The following GLYAT variants were observed in gnomAD, a reference collection of about 807,000 sequenced individuals.
The protein encoded by GLYAT is glycine-N-acyltransferase.
Under a neutral mutation model 22.8 loss-of-function variants are expected in GLYAT, and 25 were observed. That is an observed-to-expected ratio of 1.09 (90% CI 0.80 to 1.53). The LOEUF (loss-of-function observed/expected upper bound fraction) is 1.53, where lower values mean the gene tolerates loss of function less well. Ranked by LOEUF, GLYAT falls within the 40% of genes most tolerant of loss-of-function variation. The probability of loss-of-function intolerance (pLI) is 0.00; values close to 1 mark genes in which losing one functional copy is unlikely to be tolerated. For missense variants in GLYAT, 411 were observed against 353.9 expected, an observed-to-expected ratio of 1.16 and a Z score of -1.29; for synonymous variants, 140 against 122.7, an observed-to-expected ratio of 1.14 and a Z score of -0.93.
chr11:58,712,993 G>C (rs1856635684), intron 3 of GLYAT, 107 bp from the exon 4 acceptor site: 8 of 663,478 alleles, frequency 1.2e-5, no homozygotes, highest in African/African-American at 1.9e-5. Flanking sequence ...TAGTTTTATT[G>C]GTGTATCACA....
chr11:58,712,840 T>C lies in GLYAT; in HGVS notation c.236A>G (p.Tyr79Cys), dbSNP rs895538984. Reference sequence around the variant, plus strand: ...CTGACAGTTTTGGGGATCTTTGGAGTAGATTTGGTAAGTATTGGTATAGTG... The same window carrying C: ...CTGACAGTTTTGGGGATCTTTGGAGCAGATTTGGTAAGTATTGGTATAGTG... ...LDHYTNTYQI[Y>C]SKDPQNCQEF... Residue 79 changes from tyrosine (Y) to cysteine (C), a missense_variant, in exon 4 of 6, where the codon TAC becomes TGC. Physicochemically the swap from Tyr to Cys is radical, Grantham distance 194 (BLOSUM62 -2). Coordinates refer to ENST00000344743, the MANE Select transcript of GLYAT (RefSeq NM_201648.3). The C allele has an allele frequency of 2.5e-6, 4 of 1,607,324 alleles. No individual in the cohort carries two copies. In the African/African-American group the frequency reaches 4.0e-5, roughly 16 times the overall value.
intron 2 of GLYAT, among the ~76,000 whole-genome samples, chr11:58,723,230 T>C (rs112135052): frequency 1.9e-4 from 2 of 10,338 alleles, no homozygotes; most frequent in Non-Finnish European, 1.1e-3. Context: ...TACAGTGTCT[T>C]AACTAATATG....
At chr11:58,731,665 A>G (rs549602355) in intron 1 of GLYAT, among the ~76,000 whole-genome samples, 170 bp downstream of exon 1, 1 of 152,150 alleles carries the variant, frequency 6.6e-6, no homozygotes, top group African/African-American at 2.4e-5. Context: ...ATTACTTCAC[A>G]TAGTTACTTA....
At chr11:58,710,786 G>T (rs765187035) in intron 4 of GLYAT, 25 bp from the exon 5 acceptor site, 2 of 1,360,982 alleles carry the variant, frequency 1.5e-6, no homozygotes, top group African/African-American at 1.4e-5. Context: ...AAACAGAGAT[G>T]AAATGGTTTA....
intron 5 of GLYAT, 112 bp from the exon 6 acceptor site, chr11:58,710,280 TC>T: frequency 3.5e-6 from 5 of 1,446,244 alleles, no homozygotes; most frequent in Non-Finnish European, 4.5e-6. Flanking sequence ...AAATGTGAAG[TC>T]CTGGAATATA....
At chr11:58,731,474 T>G (rs1856871000) in intron 1 of GLYAT, among the ~76,000 whole-genome samples, 1 of 152,178 alleles carries the variant, frequency 6.6e-6, no homozygotes, top group African/African-American at 2.4e-5. Context: ...TGTCTGCATA[T>G]TCTGAGCATA....
chr11:58,728,877 AGAAAGAAAGAAAGAAGGAAG>A (rs1230768736), intron 1 of GLYAT: 8 of 119,854 alleles, frequency 6.7e-5, no homozygotes, highest in South Asian at 3.0e-4. Flanking sequence ...AAAGAAAGAA[AGAAAGAAAGAAAGAAGGAAG>A]GAAGGAAGGA....
intron 1 of GLYAT, 50 bp downstream of exon 1, chr11:58,731,785 C>A (rs1346535741): frequency 6.6e-6 from 1 of 152,120 alleles, no homozygotes; most frequent in Non-Finnish European, 1.5e-5. Flanking sequence ...TACATTAGAT[C>A]TCTAGACTTG....
At chr11:58,719,678 C>T (rs1590671108) in intron 2 of GLYAT, among the ~76,000 whole-genome samples, 1 of 151,878 alleles carries the variant, frequency 6.6e-6, no homozygotes, top group Non-Finnish European at 1.5e-5. Flanking sequence ...GAAGATGAGG[C>T]TTTAATTGCT....
intron 2 of GLYAT, among the ~76,000 whole-genome samples, chr11:58,719,406 A>G (rs1258215318): frequency 1.3e-5 from 2 of 152,006 alleles, no homozygotes; most frequent in African/African-American, 4.8e-5. Context: ...CCTTTATTAA[A>G]GAGTTGGTTA....
At position 58,709,751 on chromosome 11, in the gene GLYAT, T is replaced by G. The variant is rs779541807; in HGVS notation, c.*15A>C. The stretch of plus-strand genomic sequence containing the variant: ...CCCAGACCTGCCCAACACTGTCTTA[T>G]GTTCAGGATTGGCATCACAGAGGTA... On this transcript the variant is annotated 3_prime_UTR_variant, in exon 6 of 6. Coordinates refer to ENST00000344743, the MANE Select transcript of GLYAT (RefSeq NM_201648.3). 2 of 1,595,464 alleles carry G rather than the reference T, an allele frequency of 1.3e-6. No homozygotes were observed. Among genetic ancestry groups the G allele is most frequent in the Non-Finnish European group, 1.7e-6 (2 of 1,169,248 alleles).
At chr11:58,725,637 C>G (rs895307572) in intron 1 of GLYAT, among the ~76,000 whole-genome samples, 5 of 152,046 alleles carry the variant, frequency 3.3e-5, no homozygotes, top group Non-Finnish European at 7.4e-5. Flanking sequence ...AAGGAGAGAC[C>G]AAGGCAAGTT....
chr11:58,728,881 AGAAAGAAAGAAGGAAGGAAGGAAGGAAG>A (rs1455255673), intron 1 of GLYAT, among the ~76,000 whole-genome samples: 108 of 124,952 alleles, frequency 8.6e-4, no homozygotes, highest in Non-Finnish European at 9.0e-4. Context: ...AAAGAAAGAA[AGAAAGAAAGAAGGAAGGAAGGAAGGAAG>A]GAAGGAAGGA....
At chr11:58,720,195 C>T (rs1856732648) in intron 2 of GLYAT, among the ~76,000 whole-genome samples, 1 of 151,994 alleles carries the variant, frequency 6.6e-6, no homozygotes, top group East Asian at 1.9e-4. Flanking sequence ...AAAAAACACA[C>T]ACACAGTTTT....
chr11:58,709,536 G>A lies in GLYAT; in HGVS notation c.*230C>T, dbSNP rs1024740593. The A allele has an allele frequency of 2.0e-5, 9 of 452,998 alleles. No homozygotes were observed. The highest frequency in any genetic ancestry group is 3.9e-5 in the African/African-American group (2 of 51,554). 28.1% of individuals were successfully genotyped at this position (452,998 alleles called of 1,614,324 possible). On this transcript the variant is annotated 3_prime_UTR_variant, in exon 6 of 6. Coordinates refer to ENST00000344743, the MANE Select transcript of GLYAT (RefSeq NM_201648.3). ...ATAGAGGTCCTGGAAATGTGGGGAG[G>A]TAAATTGCTTATGTCAAATGTAAGA... is the stretch of plus-strand genomic sequence containing the variant.
chr11:58,713,117 T>A (rs1265048044), intron 3 of GLYAT, among the ~76,000 whole-genome samples: 2 of 152,136 alleles, frequency 1.3e-5, no homozygotes, highest in Non-Finnish European at 1.5e-5. Context: ...ATAATTATTA[T>A]TTCCATGTGT....
At chr11:58,724,283 A>T (rs1565059112) in intron 2 of GLYAT, 133 bp downstream of exon 2, 1 of 545,356 alleles carries the variant, frequency 1.8e-6, no homozygotes, top group East Asian at 2.8e-5. Context: ...TAGAGAGGTA[A>T]GGCATACTAA....
At chr11:58,721,184 G>C (rs190850161) in intron 2 of GLYAT, among the ~76,000 whole-genome samples, 1 of 151,362 alleles carries the variant, frequency 6.6e-6, no homozygotes, top group Non-Finnish European at 1.5e-5. Context: ...TCAGATTCTT[G>C]GTAACCTGTT....
At chr11:58,726,366 T>C (rs621137) in intron 1 of GLYAT, among the ~76,000 whole-genome samples, 111,035 of 151,910 alleles carry the variant, frequency 0.73, 41,247 homozygotes, top group Middle Eastern at 0.88. Context: ...TTCTGTGGAT[T>C]TGGCCTCTTG....
Sources: allele counts gnomAD v4.1 joint callset (sites outside exome capture counted in the v4.1 genomes callset), GRCh38; gene constraint gnomAD v4.1.1; transcripts MANE v1.5; gene names NCBI Gene and HGNC (gene_info 2026-07-23, HGNC 2026-07-21).